The following LPP variants were observed in gnomAD, a reference collection of about 807,000 sequenced individuals.
The protein encoded by LPP is LIM domain containing preferred translocation partner in lipoma.
LPP carries 38 observed loss-of-function variants against 60.4 expected under a neutral mutation model. That is an observed-to-expected ratio of 0.63 (90% CI 0.49 to 0.83). The LOEUF (loss-of-function observed/expected upper bound fraction) is 0.83. Among genes scored for constraint, LPP ranks in the 40% least tolerant of loss-of-function variants. The probability of loss-of-function intolerance (pLI) is 0.00; values close to 1 mark genes in which losing one functional copy is unlikely to be tolerated. For missense variants in LPP, 902 were observed against 783.6 expected (o/e 1.15, Z -1.80); for synonymous variants, 328 against 290.8 (o/e 1.13, Z -1.30).
chr3:188,765,887 T>TTTTTG (rs1733927727), intron 9 of LPP, among the ~76,000 whole-genome samples: 5 of 111,790 alleles, frequency 4.5e-5, no homozygotes, highest in African/African-American at 1.3e-4. Context: ...TTTTTTTTTT[T>TTTTTG]GGAGACAGGG....
intron 9 of LPP, among the ~76,000 whole-genome samples, chr3:188,833,057 G>A (rs1757505333): frequency 6.6e-6 from 1 of 152,222 alleles, no homozygotes; most frequent in Non-Finnish European, 1.5e-5. Flanking sequence ...GCTTCACAGA[G>A]TTGTGACGAT....
chr3:188,168,164 C>T (rs774528004), intron 1 of LPP, among the ~76,000 whole-genome samples: 17 of 152,318 alleles, frequency 1.1e-4, no homozygotes, highest in Admixed American at 1.3e-4. Flanking sequence ...GTGCCAGGCA[C>T]GTGCTGCACA....
rs55885364 is a variant in LPP at position 188,543,756 on chromosome 3, C to A, written c.429+18969C>A. Among the ~76,000 whole-genome samples, 275 of 152,032 alleles carry A rather than the reference C, an allele frequency of 1.8e-3. 1 individual carries two copies. Among genetic ancestry groups the A allele is most frequent in the African/African-American group, 6.2e-3 (257 of 41,452 alleles). ...TGGAGGGGACAGCCCATCACACTTA[C>A]CATAGTCTGTTTGTTTGAAGTAAGT... On this transcript the variant is annotated intron_variant, in intron 6 of 11. Coordinates refer to ENST00000617246, the MANE Select transcript of LPP (RefSeq NM_001375462.1).
At chr3:188,329,771 G>C (rs1252465470) in intron 2 of LPP, among the ~76,000 whole-genome samples, 3 of 152,154 alleles carry the variant, frequency 2.0e-5, no homozygotes, top group South Asian at 2.1e-4. Context: ...AGACACAGGG[G>C]AAGCGAAGTT....
intron 7 of LPP, among the ~76,000 whole-genome samples, chr3:188,624,901 C>T (rs1282035131): frequency 6.6e-6 from 1 of 151,456 alleles, no homozygotes; most frequent in Non-Finnish European, 1.5e-5. Flanking sequence ...TTCCTTCATT[C>T]CTTCCTTCTT....
chr3:188,760,434 G>GTGTGTA lies in LPP; in HGVS notation c.1410+154_1410+155insTGTATG, dbSNP rs1176319182. On this transcript the variant is annotated intron_variant, in intron 9 of 11. Coordinates refer to ENST00000617246, the MANE Select transcript of LPP (RefSeq NM_001375462.1). Reference sequence around the variant, plus strand: ...GGTGTGTGTGTGTGTGTGTGTGTGTGTGCGTGCGCGCATGTAAATTAGCAT... The same window carrying GTGTGTA: ...GGTGTGTGTGTGTGTGTGTGTGTGTGTGTGTATGCGTGCGCGCATGTAAATTAGCAT... The GTGTGTA allele has an allele frequency of 5.5e-6, 4 of 733,944 alleles. No individual in the cohort carries two copies. The East Asian group carries it at 1.1e-4, about 19-fold the overall frequency. The allele number at this position is 733,944 out of a possible 1,614,324, so 45.5% of individuals were successfully genotyped here.
chr3:188,752,442 C>G (rs2150337356), intron 8 of LPP, among the ~76,000 whole-genome samples: 1 of 152,272 alleles, frequency 6.6e-6, no homozygotes, highest in Admixed American at 6.5e-5. Flanking sequence ...TTTCTTTACA[C>G]CATGTTACAT....
At chr3:188,264,106 C>T (rs954836109) in intron 2 of LPP, among the ~76,000 whole-genome samples, 8 of 152,104 alleles carry the variant, frequency 5.3e-5, no homozygotes, top group African/African-American at 1.7e-4. Flanking sequence ...CATGTTTGAT[C>T]TCCTCCCCTA....
chr3:188,674,198 G>A (rs1003396399), intron 7 of LPP, among the ~76,000 whole-genome samples: 1 of 152,052 alleles, frequency 6.6e-6, no homozygotes, highest in African/African-American at 2.4e-5. Flanking sequence ...GGATACTAGG[G>A]TTGCAACAAT....
chr3:188,197,492 A>G (rs1729871464), intron 1 of LPP, among the ~76,000 whole-genome samples: 1 of 152,168 alleles, frequency 6.6e-6, no homozygotes, highest in Admixed American at 6.5e-5. Flanking sequence ...GGAGGAAGCG[A>G]GTGCAGAATG....
chr3:188,770,165 ATTC>A lies in LPP; in HGVS notation c.1410+9886_1410+9888del, dbSNP rs1354243584. ...TTCCTCATTTTCTTTCATAGTTATA[ATTC>A]TTTTTTTTTTTTTTTTTTTTTTTTT... is the stretch of plus-strand genomic sequence containing the variant. On this transcript the variant is annotated intron_variant, in intron 9 of 11. Transcript: ENST00000617246. Among the ~76,000 whole-genome samples the A allele has an allele frequency of 8.3e-3, 1,017 of 123,012 alleles. 13 individuals are homozygous for A. The highest frequency in any genetic ancestry group is 0.03 in the South Asian group (117 of 3,956). The allele number at this position is 123,012 out of a possible 152,430, so 80.7% of individuals were successfully genotyped here. A position where few individuals can be genotyped will look rare whatever the true frequency, so the allele number is the denominator to read the frequency against.
chr3:188,233,904 C>T (rs1247124075), intron 2 of LPP, among the ~76,000 whole-genome samples: 2 of 152,040 alleles, frequency 1.3e-5, no homozygotes, highest in African/African-American at 4.8e-5. Context: ...CGCTGCTCAC[C>T]CCCTGCTCAG....
chr3:188,686,462 C>T (rs1577025902), intron 7 of LPP, among the ~76,000 whole-genome samples: 1 of 152,198 alleles, frequency 6.6e-6, no homozygotes, highest in Non-Finnish European at 1.5e-5. Flanking sequence ...GGTGGATAGA[C>T]CATACCCCAG....
intron 2 of LPP, among the ~76,000 whole-genome samples, chr3:188,235,276 G>A (rs1721486537): frequency 1.3e-5 from 2 of 152,150 alleles, no homozygotes; most frequent in Non-Finnish European, 2.9e-5. Flanking sequence ...GAGATAGATA[G>A]TGTGAGAATG....
chr3:188,301,528 T>TA (rs1390807147), intron 2 of LPP, among the ~76,000 whole-genome samples: 2 of 152,220 alleles, frequency 1.3e-5, no homozygotes, highest in Admixed American at 6.5e-5. Context: ...AATGAAGAGC[T>TA]ATTGTATAGC....
intron 9 of LPP, among the ~76,000 whole-genome samples, chr3:188,851,389 A>G (rs989269252): frequency 6.6e-6 from 1 of 152,246 alleles, no homozygotes; most frequent in African/African-American, 2.4e-5. Context: ...GAAGAAAAGG[A>G]ATTTTATGCA....
chr3:188,325,137 C>T (rs993797874), intron 2 of LPP, among the ~76,000 whole-genome samples: 13 of 152,028 alleles, frequency 8.6e-5, no homozygotes, highest in African/African-American at 2.7e-4. Context: ...CCAGCCATCA[C>T]GCTCGGCTAA....
intron 4 of LPP, among the ~76,000 whole-genome samples, chr3:188,451,323 C>T (rs1313998537): frequency 6.6e-6 from 1 of 152,078 alleles, no homozygotes; most frequent in Non-Finnish European, 1.5e-5. Flanking sequence ...TCATGGCTAT[C>T]TCTGGGACTG....
Position 188,609,805 on chromosome 3 carries a change from T to A in LPP, c.1074T>A (p.Asp358Glu), listed in dbSNP as rs777646093. The A allele has an allele frequency of 6.8e-6, 11 of 1,613,366 alleles. No individual in the cohort carries two copies. Among genetic ancestry groups the A allele is most frequent in the Non-Finnish European group, 9.3e-6 (11 of 1,179,826 alleles). ...VTGPKKTYIT[D>E]PVSAPCAPPL... is the part of the protein sequence containing the mutation. ...GTCCCAAGAAGACCTATATCACAGA[T>A]CCTGTTTCAGCCCCCTGTGCGCCAC... The change falls in exon 7 of 12, where the codon GAT (aspartate) becomes GAA (glutamate). Residue 358 changes from aspartate to glutamate, a missense_variant. By Grantham distance (45) the Asp-to-Glu change is conservative. Coordinates refer to ENST00000617246, the MANE Select transcript of LPP (RefSeq NM_001375462.1). The surrounding 1 kb of genome is among the most constrained non-coding windows in gnomAD (Gnocchi z 6.9).
Sources: allele counts gnomAD v4.1 joint callset (sites outside exome capture counted in the v4.1 genomes callset), GRCh38; gene constraint gnomAD v4.1.1; non-coding constraint Gnocchi (gnomAD v3.1); transcripts MANE v1.5; gene names NCBI Gene and HGNC (gene_info 2026-07-23, HGNC 2026-07-21).